The following RBFOX1 variants were observed in gnomAD, a reference collection of about 807,000 sequenced individuals.
RBFOX1 encodes RNA binding fox-1 homolog 1.
A neutral mutation model predicts 57.7 loss-of-function variants in RBFOX1; 8 were observed. The observed-to-expected ratio is 0.14, with a 90% CI of 0.08 to 0.25. The LOEUF is 0.25. Among genes scored for constraint, RBFOX1 ranks in the 10% least tolerant of loss-of-function variants. The pLI, the probability that RBFOX1 is intolerant of heterozygous loss-of-function variation, is 1.00. For synonymous variants in RBFOX1, 326 were observed against 222.4 expected (o/e 1.47, Z -4.15); for missense variants, 611 against 548.5 (o/e 1.11, Z -1.14).
intron 3 of RBFOX1, among the ~76,000 whole-genome samples, chr16:6,943,334 C>T (rs1310072715): frequency 1.3e-5 from 2 of 152,168 alleles, no homozygotes. Context: ...AAAAGGACTG[C>T]ATACTTCTAT....
chr16:7,311,504 G>C (rs545438090), intron 4 of RBFOX1, among the ~76,000 whole-genome samples: 1 of 94,998 alleles, frequency 1.1e-5, no homozygotes, highest in Non-Finnish European at 2.0e-5. Flanking sequence ...TTTGGCATTC[G>C]ATGTTTGCTC....
chr16:6,584,704 C>G (rs573892666), intron 2 of RBFOX1, among the ~76,000 whole-genome samples: 9 of 151,984 alleles, frequency 5.9e-5, no homozygotes, highest in Non-Finnish European at 1.2e-4. Flanking sequence ...CCCTGAATGA[C>G]CTCTAGCTAC....
chr16:7,254,981 G>C (rs550837628), intron 4 of RBFOX1, among the ~76,000 whole-genome samples: 1 of 152,172 alleles, frequency 6.6e-6, no homozygotes, highest in East Asian at 1.9e-4. Flanking sequence ...GTTTTCCACA[G>C]TTTTCTTGAG....
intron 3 of RBFOX1, among the ~76,000 whole-genome samples, chr16:6,777,332 C>G (rs974294288): frequency 2.0e-5 from 3 of 152,032 alleles, no homozygotes; most frequent in Admixed American, 1.3e-4. Context: ...TGCTCCTATA[C>G]CTAGTGGATG....
chr16:5,775,654 C>G (rs1413599709), intron 3 of RBFOX1, among the ~76,000 whole-genome samples: 2 of 152,168 alleles, frequency 1.3e-5, no homozygotes, highest in Non-Finnish European at 2.9e-5. Context: ...GCCTCAGTGC[C>G]ACTTCAGGGC....
At chr16:6,605,819 G>GT (rs1225635566) in intron 2 of RBFOX1, among the ~76,000 whole-genome samples, 4 of 152,116 alleles carry the variant, frequency 2.6e-5, no homozygotes, top group Non-Finnish European at 5.9e-5. Flanking sequence ...ATGCATCCTG[G>GT]CAGGCCACAG....
chr16:5,715,475 A>G (rs2051661201), intron 3 of RBFOX1, among the ~76,000 whole-genome samples: 1 of 152,272 alleles, frequency 6.6e-6, no homozygotes. Context: ...AAGGAGATAC[A>G]CATACATCAT....
At chr16:5,532,059 A>T (rs2044499847) in intron 2 of RBFOX1, among the ~76,000 whole-genome samples, 1 of 152,144 alleles carries the variant, frequency 6.6e-6, no homozygotes, top group Non-Finnish European at 1.5e-5. Context: ...TCGACCTCCC[A>T]AAGTGCTGGG....
intron 3 of RBFOX1, chr16:6,705,051 C>T (rs190172879): frequency 5.6e-4 from 85 of 152,192 alleles, no homozygotes; most frequent in African/African-American, 1.9e-3. Flanking sequence ...ATGCCCCAAC[C>T]AGATGCACTA....
At chr16:6,839,662 A>G (rs1407841675) in intron 3 of RBFOX1, among the ~76,000 whole-genome samples, 1 of 152,030 alleles carries the variant, frequency 6.6e-6, no homozygotes, top group Non-Finnish European at 1.5e-5. Flanking sequence ...GTTTTTGCAA[A>G]CTCTCCTATT....
intron 4 of RBFOX1, among the ~76,000 whole-genome samples, chr16:7,255,960 A>G (rs1344768357): frequency 6.6e-6 from 1 of 152,110 alleles, no homozygotes; most frequent in Non-Finnish European, 1.5e-5. Flanking sequence ...TCACTTTGGG[A>G]TGGGGTGATT....
chr16:7,160,641 G>A (rs989165649), intron 4 of RBFOX1, among the ~76,000 whole-genome samples: 1 of 152,038 alleles, frequency 6.6e-6, no homozygotes, highest in African/African-American at 2.4e-5. Flanking sequence ...GATTTACACT[G>A]TCCAGTTATG....
chr16:7,285,235 C>G (rs1349314508), intron 4 of RBFOX1, among the ~76,000 whole-genome samples: 1 of 151,876 alleles, frequency 6.6e-6, no homozygotes, highest in Non-Finnish European at 1.5e-5. Context: ...AGGAATAATA[C>G]AGAGAGTTCC....
At chr16:7,171,287 A>G (rs1042815083) in intron 4 of RBFOX1, among the ~76,000 whole-genome samples, 27 of 152,150 alleles carry the variant, frequency 1.8e-4, no homozygotes, top group African/African-American at 5.6e-4. Context: ...CCTCATCCCT[A>G]TGATGAGGAC....
intron 1 of RBFOX1, among the ~76,000 whole-genome samples, chr16:6,266,758 A>G (rs1010901250): frequency 1.3e-5 from 2 of 152,062 alleles, no homozygotes; most frequent in Admixed American, 6.6e-5. Context: ...ATTTAATAAC[A>G]GAATCCTAGA....
At position 6,284,832 on chromosome 16, in the gene RBFOX1, T is replaced by C. The variant is rs79742589; in HGVS notation, c.-126-32163T>C. Among the ~76,000 whole-genome samples, 785 of 152,306 alleles carry C rather than the reference T, an allele frequency of 5.2e-3. 12 individuals are homozygous for C. The highest frequency in any genetic ancestry group is 0.017 in the African/African-American group (727 of 41,558). On this transcript the variant is annotated intron_variant, in intron 1 of 15. Coordinates refer to ENST00000550418, the MANE Select transcript of RBFOX1 (RefSeq NM_018723.4). ...AGGTATTGTGACTCCGTTCACATTA[T>C]ATACGAGTGCATGGAGAACACATTG...
chr16:6,106,377 A>C (rs555353696), intron 1 of RBFOX1, among the ~76,000 whole-genome samples: 2 of 148,682 alleles, frequency 1.3e-5, no homozygotes, highest in Admixed American at 1.4e-4. Context: ...GAGGCAGGAG[A>C]ATTGCTTGAC....
chr16:5,730,490 C>T (rs1374265983), intron 3 of RBFOX1, among the ~76,000 whole-genome samples: 2 of 152,106 alleles, frequency 1.3e-5, no homozygotes. Flanking sequence ...TATCAGTGTC[C>T]AAGATTTGAC....
chr16:6,450,835 A>ATG lies in RBFOX1; in HGVS notation c.-64+133782_-64+133783dup, dbSNP rs1351705890. On this transcript the variant is annotated intron_variant, in intron 2 of 15. Coordinates refer to ENST00000550418, the MANE Select transcript of RBFOX1 (RefSeq NM_018723.4). ...TATATATACATATATATATATATAT[A>ATG]TGTGTATATATATATATATATATAT... Among the ~76,000 whole-genome samples, 37 of 19,814 alleles carry ATG rather than the reference A, an allele frequency of 1.9e-3. 6 individuals carry two copies. The highest frequency in any genetic ancestry group is 8.3e-3 in the African/African-American group (35 of 4,208). 13.0% of individuals were successfully genotyped at this position (19,814 alleles called of 152,430 possible).
Sources: gnomAD v4.1 joint callset for allele counts (sites outside exome capture counted in the v4.1 genomes callset) on GRCh38, gnomAD v4.1.1 for gene constraint, MANE v1.5 for transcripts, NCBI Gene and HGNC (gene_info 2026-07-23, HGNC 2026-07-21) for gene names.